Variants in SEM1 observed in about 807,000 individuals in gnomAD.
SEM1 encodes the protein 26S proteasome complex subunit SEM1.
In SEM1, 3 loss-of-function variants were observed where a neutral mutation model predicts 12.7. The ratio of observed to expected loss-of-function variants is 0.24; its 90% CI spans 0.11 to 0.61. SEM1 has a LOEUF of 0.61. Ranked by LOEUF, SEM1 falls within the 20% of genes least tolerant of loss-of-function variation. SEM1 has a pLI of 0.88. For synonymous variants in SEM1, 30 were observed against 27.8 expected, an observed-to-expected ratio of 1.08 and a Z score of -0.25; for missense variants, 59 against 81.3, an observed-to-expected ratio of 0.73 and a Z score of 1.06.
intron 2 of SEM1, among the ~76,000 whole-genome samples, chr7:96,580,629 T>C (rs542002468): frequency 2.8e-4 from 43 of 151,502 alleles, no homozygotes; most frequent in South Asian, 6.3e-4. Context: ...TCTCCAGCAC[T>C]TGTTGTTTCC....
intron 2 of SEM1, among the ~76,000 whole-genome samples, chr7:96,580,171 C>T (rs1387867173): frequency 1.4e-5 from 2 of 144,102 alleles, no homozygotes; most frequent in East Asian, 2.1e-4. Context: ...TTCCTGTGTC[C>T]GTGTGTTCTC....
At chr7:96,584,561 G>T (rs1031555567) in intron 2 of SEM1, among the ~76,000 whole-genome samples, 54 of 151,962 alleles carry the variant, frequency 3.6e-4, no homozygotes, top group Non-Finnish European at 7.4e-5. Context: ...CCTGCAGAGT[G>T]TTTTCCAACT....
upstream of SEM1, chr7:96,496,378 A>G (rs1454244138): frequency 1.9e-6 from 2 of 1,050,618 alleles, no homozygotes; most frequent in East Asian, 5.2e-5. Context: ...ATGTAATATA[A>G]AAGAGTGTAA....
intron 2 of SEM1, among the ~76,000 whole-genome samples, chr7:96,542,683 T>C (rs1166907432): frequency 1.3e-5 from 2 of 151,922 alleles, no homozygotes; most frequent in East Asian, 3.9e-4. Flanking sequence ...ATTGGCAAAA[T>C]TAAAGAAAAC....
At chr7:96,493,592 A>G (rs1006240655) in intron 1 of SEM1, among the ~76,000 whole-genome samples, 1 of 152,040 alleles carries the variant, frequency 6.6e-6, no homozygotes, top group African/African-American at 2.4e-5. Context: ...ATGCTTCCAG[A>G]CTGTTTCCTA....
At chr7:96,506,774 A>G (rs1202757944) in intron 2 of SEM1, 1 of 152,136 alleles carries the variant, frequency 6.6e-6, no homozygotes, top group African/African-American at 2.4e-5. Flanking sequence ...AAGTGGTACA[A>G]ATATGTGATA....
At chr7:96,702,709 G>A (rs1790306398) in intron 1 of SEM1, among the ~76,000 whole-genome samples, 1 of 152,188 alleles carries the variant, frequency 6.6e-6, no homozygotes, top group Non-Finnish European at 1.5e-5. Context: ...CTATTAGGAA[G>A]GGAAAATTAG....
At chr7:96,691,203 G>C (rs1480973402) in intron 2 of SEM1, among the ~76,000 whole-genome samples, 1 of 152,146 alleles carries the variant, frequency 6.6e-6, no homozygotes, top group Non-Finnish European at 1.5e-5. Flanking sequence ...TGAGTTACCT[G>C]GAAGAACAAA....
intron 2 of SEM1, among the ~76,000 whole-genome samples, chr7:96,570,369 C>T (rs7776727): frequency 0.55 from 83,449 of 151,056 alleles, 24,839 homozygotes; most frequent in Non-Finnish European, 0.68. Flanking sequence ...TGACAGGCCA[C>T]GGTGTATGAT....
chr7:96,499,063 G>T (rs1803411794), upstream of SEM1, among the ~76,000 whole-genome samples: 1 of 152,072 alleles, frequency 6.6e-6, no homozygotes, highest in Admixed American at 6.5e-5. Context: ...TTAATACTCT[G>T]GTGTGAATAC....
exon 3 of SEM1, chr7:96,673,678 C>G (rs915023483): frequency 4.1e-6 from 3 of 733,930 alleles, no homozygotes; most frequent in Non-Finnish European, 7.5e-6. Flanking sequence ...ATGACTAGTG[C>G]TCAATAATAG....
intron 2 of SEM1, among the ~76,000 whole-genome samples, chr7:96,599,502 T>G (rs968705317): frequency 2.0e-5 from 3 of 152,182 alleles, no homozygotes; most frequent in Non-Finnish European, 2.9e-5. Context: ...AAATATTTGC[T>G]GATGAGACTG....
At chr7:96,659,926 A>AC (rs1554430872) in intron 2 of SEM1, among the ~76,000 whole-genome samples, 10 of 147,582 alleles carry the variant, frequency 6.8e-5, no homozygotes, top group African/African-American at 2.1e-4. Flanking sequence ...AAAAAAAAAA[A>AC]AAAACAAAAA....
At chr7:96,584,944 G>A (rs151218739) in intron 2 of SEM1, among the ~76,000 whole-genome samples, 43,092 of 145,430 alleles carry the variant, frequency 0.3, 6,631 homozygotes, top group Middle Eastern at 0.32. Context: ...TAATTTGATC[G>A]TCTGAAGCCT....
At chr7:96,686,533 G>C (rs548292170), downstream of SEM1, among the ~76,000 whole-genome samples, 1 of 152,198 alleles carries the variant, frequency 6.6e-6, no homozygotes, top group East Asian at 1.9e-4. Flanking sequence ...AAAATATTGA[G>C]AAAATGCACA....
chr7:96,666,600 C>A (rs1395991914), intron 2 of SEM1, among the ~76,000 whole-genome samples: 4 of 150,380 alleles, frequency 2.7e-5, no homozygotes, highest in Non-Finnish European at 5.9e-5. Flanking sequence ...GTTGCTTTAC[C>A]TTTCCAAGAA....
At chr7:96,512,164 C>T (rs1381814212) in intron 2 of SEM1, among the ~76,000 whole-genome samples, 3 of 152,016 alleles carry the variant, frequency 2.0e-5, no homozygotes, top group African/African-American at 7.2e-5. Context: ...CACTCCAAGC[C>T]CAGGATCACC....
chr7:96,703,831 C>T (rs1790349539), intron 1 of SEM1, among the ~76,000 whole-genome samples: 2 of 151,860 alleles, frequency 1.3e-5, no homozygotes, highest in Non-Finnish European at 2.9e-5. Context: ...GCCTGTACTC[C>T]CAGCTACTAG....
rs867129664 is a variant in SEM1, at chr7:96,617,385, A to C, written c.170+77413T>G. Among the ~76,000 whole-genome samples the C allele has an allele frequency of 7.2e-5, 11 of 152,226 alleles. No homozygotes were observed. In the South Asian group the frequency reaches 1.5e-3, roughly 20 times the overall value. ...GTAGAAACACTGCTGATTTCTGTAC[A>C]TTAATTTTGGACAGAAACTACTGAA... On this transcript the variant is annotated intron_variant and NMD_transcript_variant, in intron 2 of 3. Transcript: ENST00000466986.
Sources: allele counts gnomAD v4.1 joint callset (sites outside exome capture counted in the v4.1 genomes callset), GRCh38; gene constraint gnomAD v4.1.1; transcripts MANE v1.5; gene names NCBI Gene and HGNC (gene_info 2026-07-23, HGNC 2026-07-21).